PIK3C2B: variants seen among roughly 807,000 people sequenced by gnomAD.
PIK3C2B encodes the protein phosphatidylinositol-4-phosphate 3-kinase catalytic subunit type 2 beta, also known as phosphatidylinositol 4-phosphate 3-kinase C2 domain-containing subunit beta.
In PIK3C2B, 83 loss-of-function variants were observed where a neutral mutation model predicts 184.3. The ratio of observed to expected loss-of-function variants is 0.45; its 90% confidence interval spans 0.38 to 0.54. PIK3C2B has a LOEUF of 0.54. Ranked by LOEUF, PIK3C2B falls within the 20% of genes least tolerant of loss-of-function variation. The pLI is 0.00. For synonymous variants in PIK3C2B, 779 were observed against 837.6 expected (o/e 0.93, Z 1.21); for missense variants, 1,736 against 2,113.5 (o/e 0.82, Z 3.50).
At position 204,464,084 on chromosome 1, in the gene PIK3C2B, T is replaced by C. The variant is rs752746080; in HGVS notation, c.1238A>G (p.His413Arg). The change falls in exon 5 of 33, where the codon CAT becomes CGT. Residue 413 changes from histidine (H) to arginine (R), a missense_variant. Transcript: ENST00000684373. ...LLIYQTLCYT[H>R]DDLRNVDVGD... ...CACGTCCACATTCCTCAGGTCATCA[T>C]GGGTGTAGCACAGGGTCTGGTAGAT... The C allele has an allele frequency of 6.2e-7, 1 of 1,614,094 alleles. No individual in the cohort carries two copies. Among genetic ancestry groups the C allele is most frequent in the Non-Finnish European group, 8.5e-7 (1 of 1,179,962 alleles).
chr1:204,425,861 C>G (rs1674714761), intron 31 of PIK3C2B, 120 bp from the exon 32 acceptor site: 2 of 845,988 alleles, frequency 2.4e-6, no homozygotes, highest in Admixed American at 4.7e-5. Flanking sequence ...TTGCAATGCA[C>G]AACTAATTTA....
intron 1 of PIK3C2B, among the ~76,000 whole-genome samples, chr1:204,481,512 C>A (rs917937047): frequency 3.3e-5 from 5 of 152,120 alleles, no homozygotes; most frequent in African/African-American, 4.8e-5. Context: ...CTGCCTGGGC[C>A]TCCCAAAGTG....
chr1:204,437,742 G>C (rs574980049), intron 23 of PIK3C2B, among the ~76,000 whole-genome samples: 2 of 152,346 alleles, frequency 1.3e-5, no homozygotes, highest in African/African-American at 4.8e-5. Flanking sequence ...TAAATGCACA[G>C]AAAGAGTCAC....
rs751191185 is a variant in PIK3C2B, at chr1:204,455,897, A to T, written c.1902T>A (p.Thr634=). The T allele has an allele frequency of 1.9e-6, 3 of 1,614,060 alleles. No homozygotes were observed. Among genetic ancestry groups the T allele is most frequent in the Non-Finnish European group, 2.5e-6 (3 of 1,179,968 alleles). ...ACHFARSLAF[T]VYATHRIPII... The stretch of plus-strand genomic sequence containing the variant: ...TGGGGATGCGGTGGGTGGCATAGAC[A>T]GTGAAGGCCAGGGACCTGGCGAAAT... Residue 634 remains threonine, a synonymous_variant, in exon 11 of 33, where the codon ACT becomes ACA. Transcript: ENST00000684373.
intron 2 of PIK3C2B, among the ~76,000 whole-genome samples, chr1:204,468,333 T>C (rs1655990877): frequency 6.6e-6 from 1 of 152,176 alleles, no homozygotes; most frequent in African/African-American, 2.4e-5. Context: ...GGCTGAATGC[T>C]GGCCCTGCTA....
In PIK3C2B at chr1:204,469,216, T is replaced by C; in HGVS notation, c.587A>G (p.Glu196Gly). 2 of 1,607,650 alleles carry C rather than the reference T, an allele frequency of 1.2e-6. No individual in the cohort carries two copies. The highest frequency in any genetic ancestry group is 8.5e-7 in the Non-Finnish European group (1 of 1,176,026). ...PSDINTFSLV[E>G]QLPGKLLEHR... ...CTCTAGCAGTTTGCCCGGCAATTGT[T>C]CGACCAAAGAGAAAGTGTTGATGTC... The change falls in exon 2 of 33, where the codon GAA becomes GGA. Residue 196 changes from glutamate to glycine, a missense_variant. Glu to Gly is a moderately conservative substitution (Grantham distance 98, BLOSUM62 -2). Around this residue, in one of 8 missense-constraint regions of PIK3C2B, gnomAD observed 404 missense variants for 418.0 expected, o/e 0.97. Coordinates refer to ENST00000684373, the MANE Select transcript of PIK3C2B (RefSeq NM_001377334.1).
intron 8 of PIK3C2B, among the ~76,000 whole-genome samples, chr1:204,458,494 AT>A (rs1158541930): frequency 0.017 from 2,442 of 142,026 alleles, 52 homozygotes; most frequent in African/African-American, 0.039. Context: ...GGCTATGACA[AT>A]TTTTTTTTTT....
chr1:204,463,150 C>A (rs1572360564), intron 5 of PIK3C2B, among the ~76,000 whole-genome samples: 2 of 152,256 alleles, frequency 1.3e-5, no homozygotes, highest in African/African-American at 4.8e-5. Flanking sequence ...TGCATCTAGA[C>A]CTGAATGTAA....
At position 204,445,940 on chromosome 1, in the gene PIK3C2B, A is replaced by G. The variant is rs1304404900; in HGVS notation, c.2678+16T>C. The G allele has an allele frequency of 2.7e-6, 4 of 1,477,810 alleles. No homozygotes were observed. Among genetic ancestry groups the G allele is most frequent in the Non-Finnish European group, 3.6e-6 (4 of 1,101,550 alleles). The allele number at this position is 1,477,810 out of a possible 1,614,324, so 91.5% of individuals were successfully genotyped here. ...ACAAGAACACATAGTCAGAAAAGGC[A>G]GATGTTACAACTCACGTGGCATGCA... On this transcript the variant is annotated intron_variant, in intron 16 of 32. Coordinates refer to ENST00000684373, the MANE Select transcript of PIK3C2B (RefSeq NM_001377334.1).
At chr1:204,442,445 AC>A in intron 20 of PIK3C2B, 80 bp downstream of exon 20, 1 of 894,438 alleles carries the variant, frequency 1.1e-6, no homozygotes, top group Non-Finnish European at 1.8e-6. Flanking sequence ...CAGCTCCTCG[AC>A]CTTGCATGCC....
chr1:204,475,338 C>A (rs1193392952), intron 1 of PIK3C2B, among the ~76,000 whole-genome samples: 1 of 152,150 alleles, frequency 6.6e-6, no homozygotes, highest in Non-Finnish European at 1.5e-5. Context: ...CAATAGCAAC[C>A]AGTGTATATC....
chr1:204,425,758 AC>A lies in PIK3C2B; in HGVS notation c.4588-18del. On this transcript the variant is annotated intron_variant, in intron 31 of 32. Transcript: ENST00000684373. ...GAGCAGTTGCTACAATAGAATGAGA[AC>A]CAAAAAAATGTTAAGATTTTTAACA... The A allele has an allele frequency of 6.2e-7, 1 of 1,605,932 alleles. No homozygotes were observed. The highest frequency in any genetic ancestry group is 8.5e-7 in the Non-Finnish European group (1 of 1,177,584).
chr1:204,480,736 C>T (rs1364925204), intron 1 of PIK3C2B, among the ~76,000 whole-genome samples: 2 of 151,648 alleles, frequency 1.3e-5, no homozygotes, highest in African/African-American at 4.9e-5. Flanking sequence ...CTGAGAAGGG[C>T]CAAAGGAAGT....
Position 204,424,991 on chromosome 1 carries a change from T to A in PIK3C2B, c.4766A>T (p.Gln1589Leu), listed in dbSNP as rs199744458. The change falls in exon 33 of 33, where the codon CAG becomes CTG. Residue 1589 changes from glutamine to leucine, a missense_variant. Gln to Leu is a moderately radical substitution (Grantham distance 113). Around this residue, in one of 8 missense-constraint regions of PIK3C2B, gnomAD observed 95 missense variants for 164.2 expected, o/e 0.58. Transcript: ENST00000684373. ...TCCCTGCTCACTCAGCACGCTCAGC[T>A]GGAGCTCCCGCTGCTGCAGGTCACC... ...PKGDLQQREL[Q>L]LSVLSEQGFW... 40 of 1,613,964 alleles carry A rather than the reference T, an allele frequency of 2.5e-5. No individual in the cohort carries two copies. The highest frequency in any genetic ancestry group is 3.1e-5 in the Non-Finnish European group (36 of 1,179,944).
intron 1 of PIK3C2B, among the ~76,000 whole-genome samples, chr1:204,474,928 C>T (rs1656599879): frequency 6.6e-6 from 1 of 150,698 alleles, no homozygotes. Flanking sequence ...TCCTAGAGTC[C>T]CCCTTCCTTT....
At chr1:204,436,022 A>G (rs1675324499) in intron 23 of PIK3C2B, among the ~76,000 whole-genome samples, 1 of 152,200 alleles carries the variant, frequency 6.6e-6, no homozygotes. Flanking sequence ...CTGAGAAAAT[A>G]GCTGTGTGCC....
chr1:204,454,541 C>A, intron 12 of PIK3C2B, 128 bp downstream of exon 12: 2 of 873,866 alleles, frequency 2.3e-6, no homozygotes, highest in Non-Finnish European at 3.4e-6. Context: ...AATGACTTGT[C>A]CAGTTAGGGT....
chr1:204,430,888 A>T (rs1482745904), intron 28 of PIK3C2B, among the ~76,000 whole-genome samples: 1 of 151,804 alleles, frequency 6.6e-6, no homozygotes, highest in African/African-American at 2.4e-5. Flanking sequence ...TCCTGACCTC[A>T]GGCAATCTGC....
chr1:204,440,347 A>G (rs1241543776), intron 21 of PIK3C2B, 26 bp from the exon 22 acceptor site: 1 of 1,551,366 alleles, frequency 6.4e-7, no homozygotes, highest in Admixed American at 1.8e-5. Context: ...AAGTGACCAG[A>G]TCTAATCTCC....
Sources: allele counts gnomAD v4.1 joint callset (sites outside exome capture counted in the v4.1 genomes callset), GRCh38; gene constraint gnomAD v4.1.1; regional missense constraint gnomAD v4.1.1; transcripts MANE v1.5; gene names NCBI Gene and HGNC (gene_info 2026-07-23, HGNC 2026-07-21).